ARAP2: variants seen among roughly 807,000 people sequenced by gnomAD.
ARAP2 encodes ArfGAP with RhoGAP domain, ankyrin repeat and PH domain 2.
A neutral mutation model predicts 194.5 loss-of-function variants in ARAP2; 148 were observed. The ratio of observed to expected loss-of-function variants is 0.76; its 90% CI spans 0.67 to 0.87. The LOEUF (loss-of-function observed/expected upper bound fraction) is 0.87, where lower values mean the gene tolerates loss of function less well. Ranked by LOEUF, ARAP2 falls within the 40% of genes least tolerant of loss-of-function variation. ARAP2 has a pLI of 0.00. For synonymous variants in ARAP2, 695 were observed against 683.5 expected (o/e 1.02, Z -0.26); for missense variants, 2,128 against 1,989.7 (o/e 1.07, Z -1.32).
At chr4:36,201,074 G>A (rs1319882358) in intron 6 of ARAP2, among the ~76,000 whole-genome samples, 2 of 152,164 alleles carry the variant, frequency 1.3e-5, no homozygotes, top group Non-Finnish European at 2.9e-5. Flanking sequence ...ACTACATTTG[G>A]TAATAAAAAT....
intron 4 of ARAP2, among the ~76,000 whole-genome samples, chr4:36,046,322 G>A (rs548283630): frequency 6.6e-6 from 1 of 152,042 alleles, no homozygotes; most frequent in African/African-American, 2.4e-5. Context: ...GGGACTACAG[G>A]CTCATGCCAC....
chr4:36,006,632 C>T (rs563137427), intron 10 of ARAP2: 1 of 151,902 alleles, frequency 6.6e-6, no homozygotes, highest in Non-Finnish European at 1.5e-5. Context: ...AGATTATTTG[C>T]CTTTGCAACA....
In ARAP2 at chr4:36,165,098, A is replaced by G. The variant is rs766755483; in HGVS notation, c.1989T>C (p.Thr663=). The G allele has an allele frequency of 4.3e-6, 7 of 1,613,854 alleles. No homozygotes were observed. The highest frequency in any genetic ancestry group is 5.9e-6 in the Non-Finnish European group (7 of 1,179,892). Residue 663 remains threonine, a synonymous_variant, in exon 11 of 33, where the codon ACT becomes ACC. Transcript: ENST00000303965. ...CAATCCAGTCTTGTTTCTCCTTTTC[A>G]GTCTCGGCTGTAAAGCTGAAACAAT... ...PYRSFSFTAE[T]EKEKQDWIEA... is the part of the protein sequence containing the mutation.
chr4:36,162,139 A>AAT (rs10600105), intron 11 of ARAP2, among the ~76,000 whole-genome samples: 72 of 146,874 alleles, frequency 4.9e-4, no homozygotes, highest in African/African-American at 1.5e-3. Context: ...CACTTACTTA[A>AAT]ATATATATAT....
At chr4:36,054,553 T>A (rs1723188919) in intron 2 of ARAP2, among the ~76,000 whole-genome samples, 1 of 152,174 alleles carries the variant, frequency 6.6e-6, no homozygotes, top group Non-Finnish European at 1.5e-5. Flanking sequence ...GGATTTTAAT[T>A]ATAATTCAGG....
intron 22 of ARAP2, among the ~76,000 whole-genome samples, chr4:36,122,097 A>G (rs1038643534): frequency 1.3e-5 from 2 of 151,782 alleles, no homozygotes; most frequent in African/African-American, 4.8e-5. Context: ...AATGGCTATT[A>G]CTGAAAAGTC....
rs973455134 is a variant in ARAP2 at position 36,045,566 on chromosome 4, G to C, written n.607+413C>G. On this transcript the variant is annotated intron_variant and non_coding_transcript_variant, in intron 5 of 12. Coordinates refer to the ARAP2 transcript ENST00000503225. Reference sequence around the variant, plus strand: ...TGGAAAGAATGAGGAAAGAGGAAATGTGAGACAAATGGTACAAAGTTTCAG... The same window carrying C: ...TGGAAAGAATGAGGAAAGAGGAAATCTGAGACAAATGGTACAAAGTTTCAG... 2.6e-5 allele frequency among the ~76,000 whole-genome samples: 4 copies of C among 152,140 alleles called. No individual in the cohort carries two copies. The East Asian group carries it at 7.7e-4, about 29-fold the overall frequency.
At chr4:36,085,390 T>C (rs1730578687) in intron 28 of ARAP2, among the ~76,000 whole-genome samples, 1 of 152,084 alleles carries the variant, frequency 6.6e-6, no homozygotes, top group Admixed American at 6.6e-5. Context: ...ATATACAGTA[T>C]AAATGATAAG....
chr4:36,143,605 T>C (rs774542659), intron 19 of ARAP2, among the ~76,000 whole-genome samples: 30 of 151,872 alleles, frequency 2.0e-4, no homozygotes, highest in South Asian at 8.3e-4. Flanking sequence ...ATTGTCATCA[T>C]TGTTATTATC....
At chr4:36,173,266 T>C (rs1453326831) in intron 9 of ARAP2, among the ~76,000 whole-genome samples, 1 of 152,210 alleles carries the variant, frequency 6.6e-6, no homozygotes, top group African/African-American at 2.4e-5. Flanking sequence ...TCTTGTACGC[T>C]TGCAGAAATT....
chr4:36,053,560 T>A (rs1414227261), intron 2 of ARAP2, among the ~76,000 whole-genome samples: 2 of 152,322 alleles, frequency 1.3e-5, no homozygotes, highest in Middle Eastern at 3.4e-3. Flanking sequence ...AGCTACTAAG[T>A]ATAAAGGAAT....
chr4:36,205,138 A>T (rs1745282548), intron 6 of ARAP2, among the ~76,000 whole-genome samples: 1 of 151,974 alleles, frequency 6.6e-6, no homozygotes, highest in Non-Finnish European at 1.5e-5. Flanking sequence ...CTTTATAGTT[A>T]TACTATAAAA....
intron 7 of ARAP2, among the ~76,000 whole-genome samples, chr4:36,191,449 T>C (rs1018289399): frequency 6.6e-6 from 1 of 151,326 alleles, no homozygotes; most frequent in Non-Finnish European, 1.5e-5. Context: ...GTGATCAAAA[T>C]ATACTTAACA....
intron 22 of ARAP2, among the ~76,000 whole-genome samples, chr4:36,123,394 T>G (rs781561012): frequency 6.6e-6 from 1 of 151,850 alleles, no homozygotes; most frequent in Non-Finnish European, 1.5e-5. Context: ...GACATTATCT[T>G]TAAGGACATT....
rs773818550 is a variant in ARAP2 at position 36,210,458 on chromosome 4, A to T, written c.1419T>A (p.Tyr473Ter). 14 of 1,613,834 alleles carry T rather than the reference A, an allele frequency of 8.7e-6. No homozygotes were observed. The Admixed American group carries it at 1.2e-4, about 13-fold the overall frequency. Residue 473 changes from tyrosine (Y) to a stop codon, truncating the protein, a stop_gained, in exon 6 of 33, where the codon TAT becomes TAA. Transcript: ENST00000303965. LOFTEE classifies it high-confidence loss of function. ...TTGCAGATGCTCCATAAAAGCAGGC[A>T]TAGGGAGATATTGCCTGTGAAGAAA... is the stretch of plus-strand genomic sequence containing the variant. ...SAVSSQAISP[Y>*]ACFYGASAKK...
chr4:36,021,966 T>C (rs1195384624), intron 5 of ARAP2, among the ~76,000 whole-genome samples: 2 of 152,110 alleles, frequency 1.3e-5, no homozygotes, highest in Admixed American at 6.5e-5. Context: ...CTAGGCTATA[T>C]AGTATAGCCT....
chr4:36,125,169 T>C (rs1723594881), intron 21 of ARAP2, among the ~76,000 whole-genome samples: 1 of 151,924 alleles, frequency 6.6e-6, no homozygotes, highest in Admixed American at 6.6e-5. Context: ...CATTCCAGTA[T>C]TATGTGCTCT....
rs189541087 is a variant in ARAP2, at chr4:36,057,688, T to C, written n.321+282A>G. Among the ~76,000 whole-genome samples the C allele has an allele frequency of 5.9e-5, 9 of 152,252 alleles. No individual in the cohort carries two copies. In the East Asian group the frequency reaches 1.7e-3, roughly 29 times the overall value. Reference sequence around the variant, plus strand: ...ATGTTTTTAACTTCTAAAATTTTTATTTGATTTTTTAAAATTCCAATTCTC... The same window carrying C: ...ATGTTTTTAACTTCTAAAATTTTTACTTGATTTTTTAAAATTCCAATTCTC... On this transcript the variant is annotated intron_variant and non_coding_transcript_variant, in intron 2 of 12. Transcript: ENST00000503225.
intron 6 of ARAP2, among the ~76,000 whole-genome samples, chr4:36,209,887 C>A (rs1746355700): frequency 6.6e-6 from 1 of 152,088 alleles, no homozygotes; most frequent in Admixed American, 6.6e-5. Flanking sequence ...GGACTCTGAC[C>A]TTCTGTGTAA....
Sources: allele counts gnomAD v4.1 joint callset (sites outside exome capture counted in the v4.1 genomes callset), GRCh38; gene constraint gnomAD v4.1.1; transcripts MANE v1.5; gene names NCBI Gene and HGNC (gene_info 2026-07-23, HGNC 2026-07-21).